MYT1L: variants seen among roughly 807,000 people sequenced by gnomAD.
MYT1L encodes the protein myelin transcription factor 1 like.
A neutral mutation model predicts 126.7 loss-of-function variants in MYT1L; 12 were observed. The observed-to-expected ratio is 0.09, with a 90% CI of 0.06 to 0.15. The LOEUF (loss-of-function observed/expected upper bound fraction) is 0.15, where lower values mean the gene tolerates loss of function less well. Ranked by LOEUF, MYT1L falls within the 10% of genes least tolerant of loss-of-function variation. The probability of loss-of-function intolerance (pLI) is 1.00; values close to 1 mark genes in which losing one functional copy is unlikely to be tolerated. For missense variants in MYT1L, 979 were observed against 1,585.2 expected, an observed-to-expected ratio of 0.62 and a Z score of 6.49; for synonymous variants, 541 against 604.2, an observed-to-expected ratio of 0.90 and a Z score of 1.53.
intron 3 of MYT1L, among the ~76,000 whole-genome samples, chr2:2,101,354 C>T (rs2078051041): frequency 6.6e-6 from 1 of 152,066 alleles, no homozygotes; most frequent in African/African-American, 2.4e-5. Flanking sequence ...ATGCTGGCTG[C>T]TTAACCCTTT....
At chr2:2,296,319 T>G (rs369493629) in intron 1 of MYT1L, among the ~76,000 whole-genome samples, 65 of 152,302 alleles carry the variant, frequency 4.3e-4, no homozygotes, top group African/African-American at 1.5e-3. Flanking sequence ...TATTAAACAA[T>G]GCTTGGCCTG....
chr2:2,073,555 G>C (rs957869691), intron 3 of MYT1L, among the ~76,000 whole-genome samples: 1 of 152,080 alleles, frequency 6.6e-6, no homozygotes, highest in Non-Finnish European at 1.5e-5. Context: ...ACCTTTATTG[G>C]GTTCCCATTG....
intron 3 of MYT1L, among the ~76,000 whole-genome samples, chr2:2,161,089 T>C (rs535246507): frequency 2.0e-4 from 31 of 152,124 alleles, no homozygotes; most frequent in Admixed American, 1.5e-3. Flanking sequence ...GGCATGGTGG[T>C]GCGTTCTGTA....
intron 18 of MYT1L, among the ~76,000 whole-genome samples, chr2:1,880,941 C>A (rs552142417): frequency 1.5e-4 from 23 of 152,182 alleles, no homozygotes; most frequent in Non-Finnish European, 3.1e-4. Flanking sequence ...ACCTGCACTG[C>A]GTTTCAAATA....
At chr2:1,985,989 A>G (rs1233320541) in intron 5 of MYT1L, among the ~76,000 whole-genome samples, 1 of 152,206 alleles carries the variant, frequency 6.6e-6, no homozygotes, top group Non-Finnish European at 1.5e-5. Context: ...AGCCATAGGA[A>G]GTGCACTCAG....
At chr2:2,317,566 CTA>C (rs1247866341) in intron 1 of MYT1L, among the ~76,000 whole-genome samples, 1 of 151,646 alleles carries the variant, frequency 6.6e-6, no homozygotes, top group African/African-American at 2.4e-5. Flanking sequence ...TCTAGGTTGA[CTA>C]TGTGTGGAAA....
intron 4 of MYT1L, among the ~76,000 whole-genome samples, chr2:2,038,567 T>C (rs188231675): frequency 6.6e-6 from 1 of 152,332 alleles, no homozygotes; most frequent in East Asian, 1.9e-4. Flanking sequence ...TTCTGTAGCA[T>C]ATCCTAGTTG....
At chr2:2,050,030 T>TTCA (rs940575899) in intron 4 of MYT1L, among the ~76,000 whole-genome samples, 3 of 152,162 alleles carry the variant, frequency 2.0e-5, no homozygotes, top group Admixed American at 6.5e-5. Context: ...AAATGAGACA[T>TTCA]GGTGAGTGGC....
At chr2:2,060,848 C>A (rs2070355926) in intron 3 of MYT1L, among the ~76,000 whole-genome samples, 1 of 150,558 alleles carries the variant, frequency 6.6e-6, no homozygotes, top group African/African-American at 2.4e-5. Flanking sequence ...CTCTTTCCCT[C>A]TCTCTCTCTC....
At chr2:1,939,688 C>T (rs1035148643) in intron 9 of MYT1L, among the ~76,000 whole-genome samples, 10 of 152,298 alleles carry the variant, frequency 6.6e-5, no homozygotes, top group South Asian at 4.1e-4. Flanking sequence ...AGTTTGATCA[C>T]GTAAAATGAC....
intron 4 of MYT1L, among the ~76,000 whole-genome samples, chr2:2,007,158 T>C (rs937392735): frequency 2.6e-5 from 4 of 152,088 alleles, no homozygotes; most frequent in African/African-American, 9.7e-5. Flanking sequence ...GTTGCAGGCA[T>C]CCTTACGAGG....
chr2:2,222,358 G>A (rs1277301468), intron 2 of MYT1L, among the ~76,000 whole-genome samples: 1 of 151,982 alleles, frequency 6.6e-6, no homozygotes, highest in Non-Finnish European at 1.5e-5. Flanking sequence ...CAGGTGTGGT[G>A]GAGGGCACCC....
At chr2:2,004,129 G>A (rs2149681657) in intron 4 of MYT1L, among the ~76,000 whole-genome samples, 1 of 149,890 alleles carries the variant, frequency 6.7e-6, no homozygotes, top group Admixed American at 6.6e-5. Flanking sequence ...CTTCCTGTGT[G>A]CCTTCTTTCC....
At position 2,012,473 on chromosome 2, in the gene MYT1L, G is replaced by T. The variant is rs76153817; in HGVS notation, c.-157-15126C>A. ...CTTGGGGCCAGAGTCGGGGAATGTG[G>T]GAGTGATGGGGTTTCTTTCTGAGGT... On this transcript the variant is annotated intron_variant, in intron 4 of 24. Coordinates refer to ENST00000647738, the MANE Select transcript of MYT1L (RefSeq NM_001303052.2). Among the ~76,000 whole-genome samples, 802 of 152,260 alleles carry T rather than the reference G, an allele frequency of 5.3e-3. 5 individuals are homozygous for T. Among genetic ancestry groups the T allele is most frequent in the African/African-American group, 0.019 (780 of 41,522 alleles).
At chr2:1,993,871 G>C (rs1461762556) in intron 5 of MYT1L, among the ~76,000 whole-genome samples, 1 of 152,164 alleles carries the variant, frequency 6.6e-6, no homozygotes, top group East Asian at 1.9e-4. Context: ...GGGAGGGTAA[G>C]CGTTCTCTCA....
intron 21 of MYT1L, 124 bp downstream of exon 21, chr2:1,839,025 C>T (rs2041273436): frequency 1.2e-6 from 1 of 858,598 alleles, no homozygotes; most frequent in Non-Finnish European, 1.8e-6. Flanking sequence ...CGATAGTTTT[C>T]AGCCTTTTCT....
At chr2:2,327,945 A>T (rs1256722796) in intron 1 of MYT1L, among the ~76,000 whole-genome samples, 1 of 152,214 alleles carries the variant, frequency 6.6e-6, no homozygotes, top group East Asian at 1.9e-4. Context: ...TATTTCTAAA[A>T]TAATGTCTCT....
chr2:2,282,712 A>G (rs1166018126), intron 2 of MYT1L, among the ~76,000 whole-genome samples: 1 of 152,254 alleles, frequency 6.6e-6, no homozygotes. Context: ...GAATTGATGA[A>G]GTATATTTCA....
intron 3 of MYT1L, among the ~76,000 whole-genome samples, chr2:2,168,619 G>C (rs2089536347): frequency 1.3e-5 from 2 of 152,124 alleles, no homozygotes; most frequent in South Asian, 4.1e-4. Context: ...ACACAAATAA[G>C]CCACTCTCCA....
Sources: gnomAD v4.1 joint callset for allele counts (sites outside exome capture counted in the v4.1 genomes callset) on GRCh38, gnomAD v4.1.1 for gene constraint, MANE v1.5 for transcripts, NCBI Gene and HGNC (gene_info 2026-07-23, HGNC 2026-07-21) for gene names.